CD82: variants seen among roughly 807,000 people sequenced by gnomAD.
The protein encoded by CD82 is CD82 antigen.
CD82 carries 36 observed loss-of-function variants against 37.4 expected under a neutral mutation model. The ratio of observed to expected loss-of-function variants is 0.96; its 90% CI spans 0.74 to 1.27. The LOEUF (loss-of-function observed/expected upper bound fraction) is 1.27, where lower values mean the gene tolerates loss of function less well. Among genes scored for constraint, CD82 ranks in the 50% most tolerant of loss-of-function variants. The pLI is 0.00. For synonymous variants in CD82, 158 were observed against 137.4 expected, an observed-to-expected ratio of 1.15 and a Z score of -1.05; for missense variants, 340 against 347.0, an observed-to-expected ratio of 0.98 and a Z score of 0.16.
At chr11:44,612,840 T>C (rs1853505512) in intron 6 of CD82, among the ~76,000 whole-genome samples, 1 of 151,942 alleles carries the variant, frequency 6.6e-6, no homozygotes, top group Admixed American at 6.6e-5. Context: ...AGTTTCACCA[T>C]GTTAGCCAGG....
At chr11:44,577,527 C>G (rs1241401168) in intron 1 of CD82, among the ~76,000 whole-genome samples, 2 of 152,040 alleles carry the variant, frequency 1.3e-5, no homozygotes, top group African/African-American at 4.8e-5. Flanking sequence ...GGTCCAAGCC[C>G]CTGCAGGGTC....
At chr11:44,618,760 GTCCT>G in intron 9 of CD82, 37 bp downstream of exon 9, 2 of 1,551,190 alleles carry the variant, frequency 1.3e-6, no homozygotes, top group Non-Finnish European at 1.8e-6. Flanking sequence ...TCCATCCCAG[GTCCT>G]CCTGGGTTGT....
At chr11:44,579,864 A>G (rs1205716711) in intron 1 of CD82, among the ~76,000 whole-genome samples, 2 of 152,194 alleles carry the variant, frequency 1.3e-5, no homozygotes, top group Non-Finnish European at 1.5e-5. Flanking sequence ...GAGAGGGCTC[A>G]GTACGCTGGA....
At chr11:44,571,866 G>C (rs118105470) in intron 1 of CD82, among the ~76,000 whole-genome samples, 1 of 152,176 alleles carries the variant, frequency 6.6e-6, no homozygotes, top group Non-Finnish European at 1.5e-5. Context: ...TACTGTGCTC[G>C]GTGTTTTTGG....
At chr11:44,564,641 T>C, upstream of CD82, 2 of 394,408 alleles carry the variant, frequency 5.1e-6, no homozygotes, top group South Asian at 1.8e-5. Context: ...AAAGCCAGCT[T>C]TGAGGGCTTA....
intron 2 of CD82, among the ~76,000 whole-genome samples, chr11:44,593,209 G>C (rs573060217): frequency 6.6e-6 from 1 of 152,218 alleles, no homozygotes; most frequent in Non-Finnish European, 1.5e-5. Flanking sequence ...TGTGTAGCCG[G>C]GGAAATTGAA....
intron 2 of CD82, among the ~76,000 whole-genome samples, chr11:44,588,446 A>G (rs1292109725): frequency 6.6e-6 from 1 of 151,710 alleles, no homozygotes; most frequent in Admixed American, 6.6e-5. Flanking sequence ...CTGGTCTCGA[A>G]CTCCTGACCT....
chr11:44,578,120 C>T (rs867941187), intron 1 of CD82, among the ~76,000 whole-genome samples: 9 of 152,022 alleles, frequency 5.9e-5, no homozygotes, highest in African/African-American at 2.2e-4. Flanking sequence ...GACCTGAGGG[C>T]GGCCTCCCAG....
At chr11:44,608,509 A>G (rs3781754) in intron 6 of CD82, among the ~76,000 whole-genome samples, 34,797 of 152,150 alleles carry the variant, frequency 0.23, 4,286 homozygotes, top group East Asian at 0.31. Flanking sequence ...ATGGTGTCCA[A>G]GGGTCTTGAC....
At chr11:44,591,379 A>G (rs866257661) in intron 2 of CD82, among the ~76,000 whole-genome samples, 23 of 152,188 alleles carry the variant, frequency 1.5e-4, no homozygotes, top group Non-Finnish European at 1.5e-4. Context: ...TGCGTGACCA[A>G]GGGACCAGCC....
chr11:44,568,228 G>T (rs1158850961), intron 1 of CD82, among the ~76,000 whole-genome samples: 1 of 152,168 alleles, frequency 6.6e-6, no homozygotes, highest in Non-Finnish European at 1.5e-5. Context: ...GGGAAGAAGG[G>T]GTCTGGGTGG....
intron 1 of CD82, among the ~76,000 whole-genome samples, chr11:44,582,462 G>A (rs149574720): frequency 7.2e-5 from 11 of 152,152 alleles, no homozygotes; most frequent in African/African-American, 2.7e-4. Context: ...GGTTTGGCAC[G>A]CTGATTCTGG....
chr11:44,570,267 C>T (rs1257042369), intron 1 of CD82, among the ~76,000 whole-genome samples: 1 of 152,052 alleles, frequency 6.6e-6, no homozygotes, highest in Non-Finnish European at 1.5e-5. Flanking sequence ...TTGCCCTTCA[C>T]CTTCTCCTCT....
intron 6 of CD82, among the ~76,000 whole-genome samples, chr11:44,605,667 G>A (rs1420625974): frequency 1.3e-5 from 2 of 152,196 alleles, no homozygotes; most frequent in Admixed American, 6.5e-5. Context: ...CTGCTTTCTA[G>A]CTGTGTGGCC....
In CD82 at chr11:44,602,780, G is replaced by T. The variant is rs1371952845; in HGVS notation, c.137-2278G>T. On this transcript the variant is annotated intron_variant, in intron 4 of 9. Transcript: ENST00000227155. The stretch of plus-strand genomic sequence containing the variant: ...GATATGGGGTAGGCCTGGGATCCTG[G>T]GGGGAGACAGGGAATGGCATCAATT... 3.3e-5 allele frequency among the ~76,000 whole-genome samples: 5 copies of T among 152,170 alleles called. No homozygotes were observed. In the East Asian group the frequency reaches 5.8e-4, roughly 18 times the overall value.
Position 44,581,913 on chromosome 11 carries a change from G to A in CD82, c.-102-5562G>A, listed in dbSNP as rs57399098. On this transcript the variant is annotated intron_variant, in intron 1 of 9. Coordinates refer to ENST00000227155, the MANE Select transcript of CD82 (RefSeq NM_002231.4). ...TGGAGGGAGAGAATTCTGAAATGCT[G>A]TGTGTTTGCTAAACCTGCAGGTGCC... Among the ~76,000 whole-genome samples the A allele has an allele frequency of 1.7e-3, 263 of 152,322 alleles. 6 individuals are homozygous for A. In the East Asian group the frequency reaches 0.044, roughly 26 times the overall value.
chr11:44,575,570 G>A (rs1012834132), intron 1 of CD82, among the ~76,000 whole-genome samples: 1 of 152,212 alleles, frequency 6.6e-6, no homozygotes, highest in African/African-American at 2.4e-5. Flanking sequence ...TTGCTAACAC[G>A]TTCCCAGGGG....
At chr11:44,589,286 G>C (rs1181082462) in intron 2 of CD82, among the ~76,000 whole-genome samples, 1 of 152,140 alleles carries the variant, frequency 6.6e-6, no homozygotes, top group Non-Finnish European at 1.5e-5. Flanking sequence ...CCATAACAAA[G>C]ATCAGTACCT....
intron 1 of CD82, among the ~76,000 whole-genome samples, chr11:44,567,804 T>A (rs757410584): frequency 2.0e-5 from 3 of 152,114 alleles, no homozygotes; most frequent in Non-Finnish European, 4.4e-5. Flanking sequence ...GGGACTCTGA[T>A]GGAAGATAAA....
Sources: allele counts gnomAD v4.1 joint callset (sites outside exome capture counted in the v4.1 genomes callset), GRCh38; gene constraint gnomAD v4.1.1; transcripts MANE v1.5; gene names NCBI Gene and HGNC (gene_info 2026-07-23, HGNC 2026-07-21).